MAP7: variants seen among roughly 807,000 people sequenced by gnomAD.
The protein encoded by MAP7 is microtubule associated protein 7, also known as ensconsin.
A neutral mutation model predicts 94.8 loss-of-function variants in MAP7; 52 were observed. The observed-to-expected ratio is 0.55, with a 90% CI of 0.44 to 0.69. MAP7 has a LOEUF of 0.69. MAP7 is among the 30% of genes least tolerant of loss of function. MAP7 has a pLI of 0.00. For synonymous variants in MAP7, 350 were observed against 357.0 expected (o/e 0.98, Z 0.22); for missense variants, 940 against 964.6 (o/e 0.97, Z 0.34).
At chr6:136,430,779 G>A (rs1249481792) in intron 1 of MAP7, among the ~76,000 whole-genome samples, 1 of 152,084 alleles carries the variant, frequency 6.6e-6, no homozygotes, top group Non-Finnish European at 1.5e-5. Flanking sequence ...TCCCTCACTA[G>A]AACACCAGCC....
At chr6:136,350,304 A>G (rs983245160) in intron 16 of MAP7, among the ~76,000 whole-genome samples, 4 of 152,214 alleles carry the variant, frequency 2.6e-5, no homozygotes, top group Non-Finnish European at 5.9e-5. Context: ...TAATAAAGAT[A>G]CTGACTGATC....
chr6:136,448,650 T>C (rs1800100552), intron 1 of MAP7, among the ~76,000 whole-genome samples: 1 of 151,948 alleles, frequency 6.6e-6, no homozygotes, highest in African/African-American at 2.4e-5. Flanking sequence ...CCTGATCTCG[T>C]GATCTTCCCG....
chr6:136,504,524 T>C (rs1188222667), intron 1 of MAP7, among the ~76,000 whole-genome samples: 1 of 152,040 alleles, frequency 6.6e-6, no homozygotes, highest in East Asian at 1.9e-4. Context: ...TTTGTATTTT[T>C]AGTAGAGACA....
At chr6:136,539,867 T>G (rs1205104282) in intron 1 of MAP7, among the ~76,000 whole-genome samples, 1 of 152,168 alleles carries the variant, frequency 6.6e-6, no homozygotes, top group Non-Finnish European at 1.5e-5. Context: ...TAGTCTCAGG[T>G]ACTCGGTAGG....
At chr6:136,535,772 G>T (rs902750547) in intron 1 of MAP7, among the ~76,000 whole-genome samples, 40 of 141,226 alleles carry the variant, frequency 2.8e-4, no homozygotes, top group Non-Finnish European at 4.9e-4. Flanking sequence ...TATACTTTAA[G>T]TTCTAGTGTA....
At chr6:136,480,332 C>T (rs2128961849) in intron 1 of MAP7, among the ~76,000 whole-genome samples, 1 of 152,158 alleles carries the variant, frequency 6.6e-6, no homozygotes, top group South Asian at 2.1e-4. Context: ...TTGCCATATA[C>T]AAAAATCAAA....
intron 1 of MAP7, among the ~76,000 whole-genome samples, chr6:136,447,284 C>T (rs1254321407): frequency 1.3e-5 from 2 of 152,154 alleles, no homozygotes; most frequent in Admixed American, 6.5e-5. Flanking sequence ...ATAACTAATT[C>T]TCTTTCTCTT....
chr6:136,521,589 T>C (rs1336164400), intron 1 of MAP7, among the ~76,000 whole-genome samples: 1 of 152,210 alleles, frequency 6.6e-6, no homozygotes, highest in Non-Finnish European at 1.5e-5. Context: ...GTTCACAGAA[T>C]GGGTCAGGAG....
chr6:136,372,404 CCT>C, intron 8 of MAP7, 95 bp downstream of exon 8: 1 of 1,406,808 alleles, frequency 7.1e-7, no homozygotes, highest in Non-Finnish European at 9.7e-7. Context: ...ACGGTCTCCC[CCT>C]CTTACGCCCA....
In MAP7 at chr6:136,483,667, CA is replaced by C. The variant is rs1312924019; in HGVS notation, c.68-61869del. 2.0e-5 allele frequency among the ~76,000 whole-genome samples: 3 copies of C among 151,674 alleles called. No homozygotes were observed. The South Asian group carries it at 6.3e-4, about 32-fold the overall frequency. On this transcript the variant is annotated intron_variant, in intron 1 of 17. Coordinates refer to ENST00000354570, the MANE Select transcript of MAP7 (RefSeq NM_003980.6). ...GAAAAAAATTGAATGTAAAACATAC[CA>C]AAACAAAACAAAAAAAAGTTTTTCT... is the stretch of plus-strand genomic sequence containing the variant.
chr6:136,445,331 A>C (rs1799005051), intron 1 of MAP7, among the ~76,000 whole-genome samples: 1 of 152,190 alleles, frequency 6.6e-6, no homozygotes, highest in Non-Finnish European at 1.5e-5. Flanking sequence ...CTTATCTTCC[A>C]CTAGCTTTAC....
chr6:136,397,824 T>G (rs57033489), intron 3 of MAP7, among the ~76,000 whole-genome samples: 123 of 152,256 alleles, frequency 8.1e-4, no homozygotes, highest in African/African-American at 2.9e-3. Context: ...CATTCAGTAT[T>G]TAAATCATTA....
chr6:136,434,492 A>G (rs1295014025), intron 1 of MAP7, among the ~76,000 whole-genome samples: 1 of 152,114 alleles, frequency 6.6e-6, no homozygotes, highest in Non-Finnish European at 1.5e-5. Flanking sequence ...GCCAGGAAAA[A>G]GGGATTTAAA....
In MAP7 at chr6:136,542,475, A is replaced by G. The variant is rs368368298; in HGVS notation, c.67+7867T>C. ...ATGTTCCAATAAGGAATTAATCAGG[A>G]TAATAAACAAAGTATATGAACAATA... On this transcript the variant is annotated intron_variant, in intron 1 of 17. Transcript: ENST00000354570. Among the ~76,000 whole-genome samples the G allele has an allele frequency of 2.0e-5, 3 of 152,346 alleles. No individual in the cohort carries two copies. In the South Asian group the frequency reaches 6.2e-4, roughly 32 times the overall value.
intron 8 of MAP7, among the ~76,000 whole-genome samples, chr6:136,367,433 C>T (rs1490362863): frequency 6.6e-6 from 1 of 152,084 alleles, no homozygotes; most frequent in Non-Finnish European, 1.5e-5. Context: ...TGTACCTTTT[C>T]TTCTCTCCTT....
intron 1 of MAP7, among the ~76,000 whole-genome samples, chr6:136,461,056 C>T (rs573963068): frequency 6.6e-5 from 10 of 152,238 alleles, no homozygotes; most frequent in East Asian, 5.8e-4. Flanking sequence ...CCATCTTATT[C>T]CTAACAGCTC....
At chr6:136,439,441 T>C (rs897599272) in intron 1 of MAP7, among the ~76,000 whole-genome samples, 2 of 152,190 alleles carry the variant, frequency 1.3e-5, no homozygotes, top group African/African-American at 2.4e-5. Context: ...AATAAAGTTA[T>C]GTTATTTACA....
chr6:136,395,613 A>T (rs1782239694), intron 3 of MAP7, among the ~76,000 whole-genome samples: 1 of 151,728 alleles, frequency 6.6e-6, no homozygotes, highest in African/African-American at 2.4e-5. Flanking sequence ...TTGAGGTCTT[A>T]CCCCAAAACT....
chr6:136,419,451 C>T (rs774433163), intron 2 of MAP7, among the ~76,000 whole-genome samples: 1 of 152,132 alleles, frequency 6.6e-6, no homozygotes, highest in East Asian at 1.9e-4. Context: ...TTTTAATCCT[C>T]GTGGCTCAGC....
Sources: allele counts gnomAD v4.1 joint callset (sites outside exome capture counted in the v4.1 genomes callset), GRCh38; gene constraint gnomAD v4.1.1; transcripts MANE v1.5; gene names NCBI Gene and HGNC (gene_info 2026-07-23, HGNC 2026-07-21).